Variants in CSMD1 observed in about 807,000 individuals in gnomAD.
The protein encoded by CSMD1 is CUB and sushi domain-containing protein 1.
CSMD1 carries 213 observed loss-of-function variants against 417.5 expected under a neutral mutation model. That is an observed-to-expected ratio of 0.51 (90% CI 0.46 to 0.57). The LOEUF (loss-of-function observed/expected upper bound fraction) is 0.57, where lower values mean the gene tolerates loss of function less well. Ranked by LOEUF, CSMD1 falls within the 20% of genes least tolerant of loss-of-function variation. The probability of loss-of-function intolerance (pLI) is 0.00; values close to 1 mark genes in which losing one functional copy is unlikely to be tolerated. For missense variants in CSMD1, 6,923 were observed against 4,529.7 expected (o/e 1.53, Z -15.17); for synonymous variants, 2,862 against 1,736.8 (o/e 1.65, Z -16.11).
intron 20 of CSMD1, among the ~76,000 whole-genome samples, chr8:3,366,675 G>A (rs1257436415): frequency 6.6e-6 from 1 of 152,168 alleles, no homozygotes; most frequent in Non-Finnish European, 1.5e-5. Context: ...GGTGACAACA[G>A]ACCCAGAGGA....
chr8:4,215,063 T>C (rs1800556048), intron 3 of CSMD1, among the ~76,000 whole-genome samples: 2 of 152,154 alleles, frequency 1.3e-5, no homozygotes, highest in African/African-American at 2.4e-5. Flanking sequence ...GAGAAAGCCA[T>C]GGAACCAACG....
At chr8:3,259,684 T>A (rs1239559572) in intron 26 of CSMD1, among the ~76,000 whole-genome samples, 2 of 152,200 alleles carry the variant, frequency 1.3e-5, no homozygotes, top group Non-Finnish European at 2.9e-5. Context: ...TCCTGAAATT[T>A]ACTAAATTGG....
intron 2 of CSMD1, among the ~76,000 whole-genome samples, chr8:4,552,914 G>C (rs1010770708): frequency 1.2e-4 from 18 of 152,156 alleles, no homozygotes; most frequent in Middle Eastern, 3.2e-3. Context: ...GAGATGGCAA[G>C]TTCCTATTCC....
At chr8:3,552,975 T>C (rs13328366) in intron 10 of CSMD1, among the ~76,000 whole-genome samples, 72,720 of 151,972 alleles carry the variant, frequency 0.48, 17,820 homozygotes, top group East Asian at 0.55. Context: ...CAGAAATAGT[T>C]CACCACATAT....
At chr8:3,122,298 G>T (rs1276536084) in intron 41 of CSMD1, among the ~76,000 whole-genome samples, 2 of 152,088 alleles carry the variant, frequency 1.3e-5, no homozygotes, top group African/African-American at 4.8e-5. Flanking sequence ...ATAAAAAAAT[G>T]AATGAATGTT....
intron 3 of CSMD1, among the ~76,000 whole-genome samples, chr8:4,311,874 C>G (rs1223139511): frequency 1.3e-5 from 2 of 152,002 alleles, no homozygotes; most frequent in African/African-American, 4.8e-5. Context: ...GGTATAATAC[C>G]TGGGTGATCA....
At chr8:4,674,875 G>A (rs141711229) in intron 1 of CSMD1, among the ~76,000 whole-genome samples, 2 of 152,236 alleles carry the variant, frequency 1.3e-5, no homozygotes, top group East Asian at 1.9e-4. Flanking sequence ...TTTACATGAC[G>A]TTAGAAGGTG....
chr8:3,976,955 A>T (rs1000559433), intron 5 of CSMD1, among the ~76,000 whole-genome samples: 1 of 152,224 alleles, frequency 6.6e-6, no homozygotes, highest in Admixed American at 6.5e-5. Flanking sequence ...CACAGGGCAT[A>T]GTACACATGT....
At chr8:4,951,591 A>G (rs1289456492) in intron 1 of CSMD1, among the ~76,000 whole-genome samples, 4 of 80,340 alleles carry the variant, frequency 5.0e-5, no homozygotes, top group South Asian at 3.9e-4. Context: ...GCAAAAAAAA[A>G]AGAAAAACCT....
chr8:4,088,041 C>CA (rs1326185086), intron 3 of CSMD1, among the ~76,000 whole-genome samples: 2 of 152,144 alleles, frequency 1.3e-5, no homozygotes, highest in Non-Finnish European at 2.9e-5. Flanking sequence ...GACACTCCCC[C>CA]AGCACCATGA....
At chr8:3,159,563 T>G (rs957644693) in intron 38 of CSMD1, among the ~76,000 whole-genome samples, 1 of 152,348 alleles carries the variant, frequency 6.6e-6, no homozygotes, top group East Asian at 1.9e-4. Flanking sequence ...AATTGATGCA[T>G]CTGTTGTTCC....
rs184125929 is a variant in CSMD1, at chr8:3,642,671, G to C, written c.1010-25874C>G. On this transcript the variant is annotated intron_variant, in intron 7 of 69. Transcript: ENST00000635120. Reference sequence around the variant, plus strand: ...GGTCGATGGAGAGATTTCACAACTGGGCTTATAGGAAAGAGGATACAAAAG... The same window carrying C: ...GGTCGATGGAGAGATTTCACAACTGCGCTTATAGGAAAGAGGATACAAAAG... Among the ~76,000 whole-genome samples, 446 of 152,088 alleles carry C rather than the reference G, an allele frequency of 2.9e-3. 1 individual carries two copies. Among genetic ancestry groups the C allele is most frequent in the African/African-American group, 0.01 (422 of 41,456 alleles).
At chr8:4,859,740 C>G (rs1461085126) in intron 1 of CSMD1, among the ~76,000 whole-genome samples, 2 of 151,840 alleles carry the variant, frequency 1.3e-5, no homozygotes, top group Non-Finnish European at 2.9e-5. Flanking sequence ...GAATGGCAAT[C>G]ATTAAAAAGT....
intron 3 of CSMD1, among the ~76,000 whole-genome samples, chr8:4,406,132 G>A (rs1585026178): frequency 6.6e-6 from 1 of 152,166 alleles, no homozygotes; most frequent in African/African-American, 2.4e-5. Context: ...GCTGTCAGAT[G>A]GCAGTGAGCA....
Position 3,188,073 on chromosome 8 carries a change from T to C in CSMD1, c.5524-108A>G, listed in dbSNP as rs567664179. On this transcript the variant is annotated intron_variant, in intron 35 of 69. Transcript: ENST00000635120. ...TGATTAAGGTGTATATGTATATATATATACATATGTATATGTATATATATA... is the reference window on the plus strand; with the variant it reads ...TGATTAAGGTGTATATGTATATATACATACATATGTATATGTATATATATA... 1.3e-5 allele frequency: 5 copies of C among 398,804 alleles called. 1 individual carries two copies. In the Admixed American group the frequency reaches 1.3e-4, roughly 10 times the overall value. The allele number at this position is 398,804 out of a possible 1,614,324, so 24.7% of individuals were successfully genotyped here.
At chr8:4,914,618 A>G (rs1450041879) in intron 1 of CSMD1, among the ~76,000 whole-genome samples, 2 of 151,928 alleles carry the variant, frequency 1.3e-5, no homozygotes, top group Admixed American at 6.6e-5. Context: ...AGATAGAAAT[A>G]TAACGGTCGC....
chr8:4,515,726 C>T (rs1298952300), intron 2 of CSMD1, among the ~76,000 whole-genome samples: 1 of 152,054 alleles, frequency 6.6e-6, no homozygotes, highest in East Asian at 1.9e-4. Flanking sequence ...CTTATGAGCC[C>T]TGTAGAGCCC....
intron 1 of CSMD1, among the ~76,000 whole-genome samples, chr8:4,806,126 C>T (rs1237497193): frequency 6.6e-6 from 1 of 152,150 alleles, no homozygotes; most frequent in Admixed American, 6.6e-5. Flanking sequence ...GTTTAATTAC[C>T]TAACTTTCAA....
chr8:3,742,352 T>A (rs1022273134), intron 6 of CSMD1, among the ~76,000 whole-genome samples: 2 of 152,182 alleles, frequency 1.3e-5, no homozygotes, highest in Non-Finnish European at 2.9e-5. Flanking sequence ...AACATTTCAG[T>A]GGCGAATCTG....
Sources: gnomAD v4.1 joint callset for allele counts (sites outside exome capture counted in the v4.1 genomes callset) on GRCh38, gnomAD v4.1.1 for gene constraint, MANE v1.5 for transcripts, NCBI Gene and HGNC (gene_info 2026-07-23, HGNC 2026-07-21) for gene names.